Variants in ETNK1 observed in about 807,000 individuals in gnomAD.
ETNK1 encodes the protein putative protein product of Nbla10396.
In ETNK1, 8 loss-of-function variants were observed where a neutral mutation model predicts 45.1. That is an observed-to-expected ratio of 0.18 (90% CI 0.10 to 0.32). ETNK1 has a LOEUF of 0.32. ETNK1 is among the 10% of genes least tolerant of loss of function. The pLI, the probability that ETNK1 is intolerant of heterozygous loss-of-function variation, is 1.00. For synonymous variants in ETNK1, 152 were observed against 151.9 expected (o/e 1.00, Z -0.01); for missense variants, 302 against 430.6 (o/e 0.70, Z 2.64).
chr12:22,666,260 C>G (rs1253735248), intron 4 of ETNK1, among the ~76,000 whole-genome samples: 1 of 151,904 alleles, frequency 6.6e-6, no homozygotes, highest in African/African-American at 2.4e-5. Context: ...GAAATGACAT[C>G]CTGAAAAGGT....
intron 1 of ETNK1, among the ~76,000 whole-genome samples, chr12:22,634,672 A>G (rs1315362424): frequency 6.6e-6 from 1 of 152,090 alleles, no homozygotes; most frequent in Non-Finnish European, 1.5e-5. Flanking sequence ...ATGGCCCACT[A>G]CAGCCTCGAC....
At chr12:22,635,934 T>C (rs1472593743) in intron 1 of ETNK1, among the ~76,000 whole-genome samples, 1 of 152,176 alleles carries the variant, frequency 6.6e-6, no homozygotes, top group Non-Finnish European at 1.5e-5. Context: ...GCCCAGCACT[T>C]TGGGAGCCTG....
Position 22,626,426 on chromosome 12 carries a change from CAAAA to C in ETNK1, c.156+846_156+849del, listed in dbSNP as rs76724285. ...TCTTTTTCTCCTTTTCCCTTGCAAA[CAAAA>C]AAAAACAGTAATTTTCAAGATTGGG... On this transcript the variant is annotated intron_variant, in intron 1 of 7. Transcript: ENST00000266517. Among the ~76,000 whole-genome samples the C allele has an allele frequency of 3.5e-3, 528 of 150,476 alleles. 4 individuals are homozygous for C. Among genetic ancestry groups the C allele is most frequent in the African/African-American group, 0.013 (515 of 41,048 alleles).
At chr12:22,665,563 CT>C (rs763093146) in intron 4 of ETNK1, among the ~76,000 whole-genome samples, 3 of 152,052 alleles carry the variant, frequency 2.0e-5, no homozygotes, top group Non-Finnish European at 4.4e-5. Flanking sequence ...TGTAGTACAA[CT>C]TTTAGGCATT....
At chr12:22,641,830 C>T (rs963774700) in intron 1 of ETNK1, among the ~76,000 whole-genome samples, 1 of 152,048 alleles carries the variant, frequency 6.6e-6, no homozygotes, top group Non-Finnish European at 1.5e-5. Context: ...AGTTATGTAG[C>T]TGTTGTGCAA....
rs35611431 is a variant in ETNK1 at position 22,651,682 on chromosome 12, CT to C, written c.417-7312del. Among the ~76,000 whole-genome samples, 380 of 131,010 alleles carry C rather than the reference CT, an allele frequency of 2.9e-3. 2 individuals carry two copies. Among genetic ancestry groups the C allele is most frequent in the East Asian group, 0.01 (47 of 4,596 alleles). The allele number at this position is 131,010 out of a possible 152,430, so 85.9% of individuals were successfully genotyped here. A position where few individuals can be genotyped will look rare whatever the true frequency, so the allele number is the denominator to read the frequency against. ...ATAATGTAAAACTACAATTCTATCCCTTTTTTTTTTTTTTTTTTTTGAGACA... is the reference window on the plus strand; with the variant it reads ...ATAATGTAAAACTACAATTCTATCCCTTTTTTTTTTTTTTTTTTTGAGACA... On this transcript the variant is annotated intron_variant, in intron 2 of 7. Coordinates refer to ENST00000266517, the MANE Select transcript of ETNK1 (RefSeq NM_018638.5).
intron 1 of ETNK1, among the ~76,000 whole-genome samples, chr12:22,638,131 G>A (rs1410922559): frequency 2.0e-5 from 3 of 152,120 alleles, no homozygotes; most frequent in Non-Finnish European, 1.5e-5. Context: ...GCAGAGAAGG[G>A]AAGGAGAAAG....
At chr12:22,654,312 G>A (rs1272022821) in intron 2 of ETNK1, among the ~76,000 whole-genome samples, 1 of 152,186 alleles carries the variant, frequency 6.6e-6, no homozygotes, top group Non-Finnish European at 1.5e-5. Context: ...CAGTAATTCT[G>A]AGACCTGTAG....
At chr12:22,643,204 T>A (rs1332761281) in intron 1 of ETNK1, among the ~76,000 whole-genome samples, 1 of 152,026 alleles carries the variant, frequency 6.6e-6, no homozygotes, top group Non-Finnish European at 1.5e-5. Context: ...ATTGAGTTTT[T>A]AGTAAGTTGG....
At chr12:22,625,898 C>G (rs1377299775) in intron 1 of ETNK1, 1 of 626,182 alleles carries the variant, frequency 1.6e-6, no homozygotes, top group Non-Finnish European at 3.0e-6. Flanking sequence ...AGTCCACGGT[C>G]ACTGCAAAAT....
intron 2 of ETNK1, among the ~76,000 whole-genome samples, chr12:22,649,128 T>C (rs1347768804): frequency 6.6e-6 from 1 of 152,110 alleles, no homozygotes; most frequent in East Asian, 1.9e-4. Flanking sequence ...CATTATTGGA[T>C]ATGGGTTTTG....
At chr12:22,660,034 T>TAAAAAAAAAAAAA (rs371874842) in intron 3 of ETNK1, among the ~76,000 whole-genome samples, 3 of 122,578 alleles carry the variant, frequency 2.4e-5, no homozygotes, top group Non-Finnish European at 5.3e-5. Context: ...ACACTACCTT[T>TAAAAAAAAAAAAA]AAAAAAAAAA....
chr12:22,682,645 C>T (rs568151643), intron 6 of ETNK1, among the ~76,000 whole-genome samples: 4 of 152,230 alleles, frequency 2.6e-5, no homozygotes, highest in African/African-American at 9.6e-5. Flanking sequence ...TCACAAAGGA[C>T]ATTCTTTAGT....
intron 3 of ETNK1, among the ~76,000 whole-genome samples, chr12:22,660,508 A>G (rs1953988952): frequency 6.6e-6 from 1 of 152,166 alleles, no homozygotes; most frequent in Non-Finnish European, 1.5e-5. Context: ...GGCAATTTCT[A>G]TAATAGTTCT....
rs1415656509 is a variant in ETNK1 at position 22,625,206 on chromosome 12, T to C, written c.-225T>C. On this transcript the variant is annotated 5_prime_UTR_variant, in exon 1 of 8. Coordinates refer to ENST00000266517, the MANE Select transcript of ETNK1 (RefSeq NM_018638.5). Reference sequence around the variant, plus strand: ...GCGGTCCAGCTCCGACAACAGGAATTTTCTCCGAGAGCGGGCCGGGCTCAG... The same window carrying C: ...GCGGTCCAGCTCCGACAACAGGAATCTTCTCCGAGAGCGGGCCGGGCTCAG... 6.2e-7 allele frequency: 1 copy of C among 1,609,826 alleles called. No individual in the cohort carries two copies. Among genetic ancestry groups the C allele is most frequent in the African/African-American group, 1.3e-5 (1 of 74,956 alleles).
intron 7 of ETNK1, among the ~76,000 whole-genome samples, 160 bp downstream of exon 7, chr12:22,684,716 T>G (rs1418057552): frequency 6.6e-6 from 1 of 152,038 alleles, no homozygotes; most frequent in Non-Finnish European, 1.5e-5. Flanking sequence ...TGTTAAGTGC[T>G]CGCAGGATTA....
At chr12:22,662,653 C>G (rs936623931) in intron 4 of ETNK1, among the ~76,000 whole-genome samples, 1 of 152,118 alleles carries the variant, frequency 6.6e-6, no homozygotes, top group African/African-American at 2.4e-5. Flanking sequence ...CTGCCTTGGC[C>G]TCCTAAAGTG....
At chr12:22,684,612 AT>A in intron 7 of ETNK1, 56 bp downstream of exon 7, 1 of 1,167,930 alleles carries the variant, frequency 8.6e-7, no homozygotes, top group Non-Finnish European at 1.3e-6. Context: ...TTGGATTAAC[AT>A]TAAGAATTCA....
At chr12:22,668,429 T>C (rs1954076183) in intron 4 of ETNK1, among the ~76,000 whole-genome samples, 1 of 152,238 alleles carries the variant, frequency 6.6e-6, no homozygotes, top group Non-Finnish European at 1.5e-5. Flanking sequence ...GAAGTTGGCT[T>C]TTTAAATTTT....
Sources: allele counts gnomAD v4.1 joint callset (sites outside exome capture counted in the v4.1 genomes callset), GRCh38; gene constraint gnomAD v4.1.1; transcripts MANE v1.5; gene names NCBI Gene and HGNC (gene_info 2026-07-23, HGNC 2026-07-21).